TLR5: variants seen among roughly 807,000 people sequenced by gnomAD.
TLR5 encodes toll like receptor 5.
For synonymous variants in TLR5, 373 were observed against 384.4 expected (o/e 0.97, Z 0.35); for missense variants, 944 against 999.8 (o/e 0.94, Z 0.75).
chr1:223,112,120 G>T lies in TLR5; in HGVS notation c.912C>A (p.Asn304Lys), dbSNP rs1656378673. 6.2e-7 allele frequency: 1 copy of T among 1,614,112 alleles called. No homozygotes were observed. The highest frequency in any genetic ancestry group is 1.7e-5 in the Admixed American group (1 of 60,002). The stretch of plus-strand genomic sequence containing the variant: ...CCTTGAGTGTCTCAAAGACTCGTGA[G>T]TTCAGGGAGAAGACAAACCCATGTG... ...DLSHGFVFSL[N>K]SRVFETLKDL... The change falls in exon 6 of 6, where the codon AAC becomes AAA. Residue 304 changes from asparagine to lysine, a missense_variant. Coordinates refer to ENST00000642603, the MANE Select transcript of TLR5 (RefSeq NM_003268.6).
In TLR5 at chr1:223,111,914, G is replaced by T. The variant is rs777684210; in HGVS notation, c.1118C>A (p.Ala373Glu). The T allele has an allele frequency of 3.7e-6, 6 of 1,613,932 alleles. No individual in the cohort carries two copies. Among genetic ancestry groups the T allele is most frequent in the African/African-American group, 2.7e-5 (2 of 74,926 alleles). The change falls in exon 6 of 6, where the codon GCA (alanine) becomes GAA (glutamate). Residue 373 changes from alanine to glutamate, a missense_variant. By Grantham distance (107) the Ala-to-Glu change is moderately radical (BLOSUM62 -1). Transcript: ENST00000642603. ...AYIDLQKNHI[A>E]IIQDQTFKFL... ...TTTGAATGTTTGGTCTTGAATTATT[G>T]CAATGTGATTCTTTTGCAAATCAAT... is the stretch of plus-strand genomic sequence containing the variant.
At chr1:223,140,658 T>C (rs1056366457) in intron 2 of TLR5, among the ~76,000 whole-genome samples, 6 of 152,042 alleles carry the variant, frequency 3.9e-5, no homozygotes, top group African/African-American at 1.4e-4. Context: ...GGAATTTGAA[T>C]TGGCTCTGGG....
chr1:223,142,407 C>G (rs184104177), intron 1 of TLR5, among the ~76,000 whole-genome samples: 2 of 152,334 alleles, frequency 1.3e-5, no homozygotes, highest in African/African-American at 4.8e-5. Context: ...TAGGTAACAA[C>G]ACCGCTCTCC....
intron 3 of TLR5, among the ~76,000 whole-genome samples, chr1:223,135,817 A>T (rs5744143): frequency 0.019 from 2,874 of 152,224 alleles, 89 homozygotes; most frequent in East Asian, 0.092. Flanking sequence ...AAAAAATGGA[A>T]CCACATATAT....
At chr1:223,124,379 G>A (rs1232549363) in intron 5 of TLR5, among the ~76,000 whole-genome samples, 1 of 150,820 alleles carries the variant, frequency 6.6e-6, no homozygotes, top group Non-Finnish European at 1.5e-5. Flanking sequence ...GGAGGCAAAG[G>A]TTGTAGTGAG....
At chr1:223,136,398 C>A (rs1352858713) in intron 3 of TLR5, among the ~76,000 whole-genome samples, 2 of 152,160 alleles carry the variant, frequency 1.3e-5, no homozygotes, top group African/African-American at 4.8e-5. Context: ...GTGACACAAC[C>A]TGGGGTGATT....
Position 223,112,177 on chromosome 1 carries a change from C to T in TLR5, c.855G>A (p.Leu285=). The T allele has an allele frequency of 6.2e-7, 1 of 1,614,088 alleles. No individual in the cohort carries two copies. The highest frequency in any genetic ancestry group is 8.5e-7 in the Non-Finnish European group (1 of 1,179,942). ...KDPDQNTFAG[L]ARSSVRHLDL... ...CCAGGTGTCTCACTGAACTTCTGGC[C>T]AGGCCAGCAAATGTGTTCTGGTCAG... is the stretch of plus-strand genomic sequence containing the variant. The change falls in exon 6 of 6, where the codon CTG becomes CTA. Residue 285 remains leucine (L), a synonymous_variant. Coordinates refer to ENST00000642603, the MANE Select transcript of TLR5 (RefSeq NM_003268.6).
intron 5 of TLR5, among the ~76,000 whole-genome samples, chr1:223,117,514 G>C (rs1283738065): frequency 7.1e-6 from 1 of 140,674 alleles, no homozygotes; most frequent in Non-Finnish European, 1.5e-5. Context: ...TCTGTCCCCT[G>C]GTAGACTATA....
chr1:223,118,224 A>T (rs983580852), intron 5 of TLR5, among the ~76,000 whole-genome samples: 17 of 152,138 alleles, frequency 1.1e-4, no homozygotes, highest in African/African-American at 4.1e-4. Context: ...TAGATTTAAA[A>T]TTTTTCTAAT....
rs964268369 is a variant in TLR5, at chr1:223,131,396, G to T, written c.-5+1079C>A. ...ATCTAACTTGCCATTCTCAGAGTCT[G>T]CCCTCATCCCCATTCTCTCAGCTTA... On this transcript the variant is annotated intron_variant, in intron 5 of 5. Coordinates refer to ENST00000642603, the MANE Select transcript of TLR5 (RefSeq NM_003268.6). The surrounding 1 kb of genome is among the most constrained non-coding windows in gnomAD (Gnocchi z 4.2). 3.3e-5 allele frequency among the ~76,000 whole-genome samples: 5 copies of T among 152,150 alleles called. No individual in the cohort carries two copies. The highest frequency in any genetic ancestry group is 7.4e-5 in the Non-Finnish European group (5 of 68,018).
intron 5 of TLR5, among the ~76,000 whole-genome samples, chr1:223,116,715 T>C (rs1656673825): frequency 6.6e-6 from 1 of 152,140 alleles, no homozygotes; most frequent in Non-Finnish European, 1.5e-5. Context: ...AAAGAGCTGA[T>C]TGGTCCGTTT....
rs867687873 is a variant in TLR5 at position 223,131,035 on chromosome 1, C to G, written c.-5+1440G>C. Reference sequence around the variant, plus strand: ...CTGCAGCCACTGCTTGGCTGCAAGGCTCCACTGCCTCCCCTCTAGATATGG... The same window carrying G: ...CTGCAGCCACTGCTTGGCTGCAAGGGTCCACTGCCTCCCCTCTAGATATGG... On this transcript the variant is annotated intron_variant, in intron 5 of 5. Transcript: ENST00000642603. This position sits in a 1 kb window ranked among gnomAD's most constrained non-coding sequence, Gnocchi z 4.2. Among the ~76,000 whole-genome samples, 2 of 152,188 alleles carry G rather than the reference C, an allele frequency of 1.3e-5. No homozygotes were observed. The highest frequency in any genetic ancestry group is 4.1e-4 in the South Asian group (2 of 4,832).
chr1:223,118,583 G>A (rs1656792787), intron 5 of TLR5, among the ~76,000 whole-genome samples: 1 of 151,832 alleles, frequency 6.6e-6, no homozygotes. Flanking sequence ...AGGGAAGAAT[G>A]TCTGGGTTGT....
At position 223,110,838 on chromosome 1, in the gene TLR5, T is replaced by G; in HGVS notation, c.2194A>C (p.Arg732=). 1 of 1,614,268 alleles carries G rather than the reference T, an allele frequency of 6.2e-7. No homozygotes were observed. The highest frequency in any genetic ancestry group is 8.5e-7 in the Non-Finnish European group (1 of 1,180,038). The part of the protein sequence containing the change: ...QNRFNLCFEE[R]DFVPGENRIA... ...CGGTTTTCTCCTGGGACAAAGTCTC[T>G]TTCTTCAAAGCACAGGTTGAATCTG... is the stretch of plus-strand genomic sequence containing the variant. Residue 732 remains arginine, a synonymous_variant, in exon 6 of 6, where the codon AGA becomes CGA. Transcript: ENST00000642603.
At chr1:223,113,107 T>TG in intron 5 of TLR5, 72 bp from the exon 6 acceptor site, 2 of 1,453,070 alleles carry the variant, frequency 1.4e-6, no homozygotes, top group South Asian at 1.2e-5. Context: ...CTTCAGATCT[T>TG]GGGGGTATTC....
At chr1:223,122,294 A>T (rs140994490) in intron 5 of TLR5, among the ~76,000 whole-genome samples, 194 of 152,334 alleles carry the variant, frequency 1.3e-3, no homozygotes, top group Admixed American at 2.9e-3. Context: ...AATGGATGAG[A>T]TGAGAGGCAG....
chr1:223,110,591 T>A lies in TLR5; in HGVS notation c.2441A>T (p.Gln814Leu), dbSNP rs779015499. ...GAGATCCTCAGGCCACCTCAAATAC[T>A]GCTGTTTCTGTACAAAGCCTCTGAT... ...QSIRGFVQKQ[Q>L]YLRWPEDLQD... The change falls in exon 6 of 6, where the codon CAG becomes CTG. Residue 814 changes from glutamine (Q) to leucine (L), a missense_variant. Gln to Leu is a moderately radical substitution (Grantham distance 113). Coordinates refer to ENST00000642603, the MANE Select transcript of TLR5 (RefSeq NM_003268.6). The A allele has an allele frequency of 9.3e-6, 15 of 1,614,230 alleles. No individual in the cohort carries two copies. The highest frequency in any genetic ancestry group is 1.3e-5 in the Non-Finnish European group (15 of 1,180,034).
chr1:223,140,132 C>T (rs1657776037), intron 2 of TLR5, among the ~76,000 whole-genome samples: 1 of 152,124 alleles, frequency 6.6e-6, no homozygotes, highest in Admixed American at 6.5e-5. Flanking sequence ...TAGGGGCCTG[C>T]CAGGGAAGTC....
At chr1:223,141,354 T>C (rs763443324) in intron 2 of TLR5, 1 of 152,182 alleles carries the variant, frequency 6.6e-6, no homozygotes, top group Admixed American at 6.5e-5. Context: ...TACATGCTTT[T>C]TGCTTTGCTC....
Sources: gnomAD v4.1 joint callset for allele counts (sites outside exome capture counted in the v4.1 genomes callset) on GRCh38, gnomAD v4.1.1 for gene constraint, Gnocchi (gnomAD v3.1) non-coding constraint, MANE v1.5 for transcripts, NCBI Gene and HGNC (gene_info 2026-07-23, HGNC 2026-07-21) for gene names.